KCNJ6: variants seen among roughly 807,000 people sequenced by gnomAD.
KCNJ6 encodes G protein-activated inward rectifier potassium channel 2.
KCNJ6 carries 9 observed loss-of-function variants against 34.2 expected under a neutral mutation model. That is an observed-to-expected ratio of 0.26 (90% CI 0.16 to 0.46). The LOEUF is 0.46. Among genes scored for constraint, KCNJ6 ranks in the 20% least tolerant of loss-of-function variants. The pLI is 1.00. For missense variants in KCNJ6, 236 were observed against 531.3 expected (o/e 0.44, Z 5.46); for synonymous variants, 196 against 207.1 (o/e 0.95, Z 0.46).
chr21:37,660,280 C>T (rs1383814478), intron 3 of KCNJ6, among the ~76,000 whole-genome samples: 1 of 152,226 alleles, frequency 6.6e-6, no homozygotes, highest in Non-Finnish European at 1.5e-5. Context: ...GGATTCCTGC[C>T]ACAGGGTGCA....
At chr21:37,787,027 T>C (rs2055195876) in intron 2 of KCNJ6, among the ~76,000 whole-genome samples, 1 of 152,204 alleles carries the variant, frequency 6.6e-6, no homozygotes. Flanking sequence ...AATAAACACA[T>C]TCCCCAAATC....
At chr21:37,873,429 G>A (rs1052201875) in intron 1 of KCNJ6, among the ~76,000 whole-genome samples, 1 of 152,152 alleles carries the variant, frequency 6.6e-6, no homozygotes, top group Non-Finnish European at 1.5e-5. Context: ...GGTGGCCAAT[G>A]GGGATAACTG....
chr21:37,789,777 A>G (rs1044881131), intron 2 of KCNJ6, among the ~76,000 whole-genome samples: 3 of 152,188 alleles, frequency 2.0e-5, no homozygotes, highest in African/African-American at 7.2e-5. Context: ...CAGTGTCTCT[A>G]TTACTTGCAG....
At chr21:37,895,202 CAGG>C (rs1450389714) in intron 1 of KCNJ6, among the ~76,000 whole-genome samples, 2 of 152,170 alleles carry the variant, frequency 1.3e-5, no homozygotes, top group African/African-American at 4.8e-5. Context: ...TAGAGATGAG[CAGG>C]AGAAGGGCTT....
At chr21:37,878,577 A>C (rs141048590) in intron 1 of KCNJ6, among the ~76,000 whole-genome samples, 109 of 152,354 alleles carry the variant, frequency 7.2e-4, no homozygotes, top group Middle Eastern at 3.4e-3. Context: ...GACTGGCATG[A>C]AAGATGGAAG....
At chr21:37,664,137 A>G (rs1016237590) in intron 3 of KCNJ6, among the ~76,000 whole-genome samples, 1 of 152,232 alleles carries the variant, frequency 6.6e-6, no homozygotes, top group Non-Finnish European at 1.5e-5. Flanking sequence ...ATCCAACATC[A>G]TAGGAATTAG....
At chr21:37,852,914 G>A (rs536231300) in intron 1 of KCNJ6, among the ~76,000 whole-genome samples, 6 of 152,084 alleles carry the variant, frequency 3.9e-5, no homozygotes, top group African/African-American at 1.4e-4. Flanking sequence ...TGAACAGCAG[G>A]GTGGGTAAGA....
At chr21:37,754,891 G>A (rs1389537550) in intron 2 of KCNJ6, among the ~76,000 whole-genome samples, 1 of 152,210 alleles carries the variant, frequency 6.6e-6, no homozygotes, top group Non-Finnish European at 1.5e-5. Context: ...GAGCTGAGGA[G>A]TAAGCAAGGC....
intron 2 of KCNJ6, among the ~76,000 whole-genome samples, chr21:37,762,416 A>T (rs1174365871): frequency 6.6e-6 from 1 of 152,170 alleles, no homozygotes; most frequent in Non-Finnish European, 1.5e-5. Flanking sequence ...AGAAATTTTT[A>T]AAAACCACGT....
rs1400039113 is a variant in KCNJ6 at position 37,719,519 on chromosome 21, T to TGTTA, written c.26-4392_26-4389dup. On this transcript the variant is annotated intron_variant, in intron 2 of 3. Coordinates refer to ENST00000609713, the MANE Select transcript of KCNJ6 (RefSeq NM_002240.5). ...GATAATGTAGAGGGGGTACACCCTCTGTTAACCATGAAATGCTGCACAAAT... is the reference window on the plus strand; with the variant it reads ...GATAATGTAGAGGGGGTACACCCTCTGTTAGTTAACCATGAAATGCTGCACAAAT... 2.0e-5 allele frequency: 3 copies of TGTTA among 152,310 alleles called. No individual in the cohort carries two copies. In the East Asian group the frequency reaches 5.8e-4, roughly 29 times the overall value. The allele number at this position is 152,310 out of a possible 1,614,324, so 9.4% of individuals were successfully genotyped here.
chr21:37,729,677 G>A (rs528229825), intron 2 of KCNJ6, among the ~76,000 whole-genome samples: 2 of 152,326 alleles, frequency 1.3e-5, no homozygotes, highest in South Asian at 4.1e-4. Context: ...CAGTTAGTTA[G>A]AACCATTAAG....
intron 1 of KCNJ6, among the ~76,000 whole-genome samples, chr21:37,887,234 G>A (rs1408502354): frequency 6.6e-6 from 1 of 152,136 alleles, no homozygotes; most frequent in East Asian, 1.9e-4. Flanking sequence ...CGGTAGGGCT[G>A]CTCTGTTTTA....
At chr21:37,817,895 G>A (rs2055354169) in intron 2 of KCNJ6, among the ~76,000 whole-genome samples, 1 of 152,112 alleles carries the variant, frequency 6.6e-6, no homozygotes, top group Non-Finnish European at 1.5e-5. Context: ...CATTATAATT[G>A]TCTGAATATC....
At position 37,617,300 on chromosome 21, in the gene KCNJ6, C is replaced by T. The variant is rs2054276123; in HGVS notation, c.*7859G>A. ...GTGGCATGATCTCAGCTTACTGCAACCTCCCCCTCCCAAGTTTAAGCTATT... is the reference window on the plus strand; with the variant it reads ...GTGGCATGATCTCAGCTTACTGCAATCTCCCCCTCCCAAGTTTAAGCTATT... On this transcript the variant is annotated 3_prime_UTR_variant, in exon 4 of 4. Transcript: ENST00000609713. The T allele has an allele frequency of 6.6e-6, 1 of 151,698 alleles. No individual in the cohort carries two copies. Among genetic ancestry groups the T allele is most frequent in the Admixed American group, 6.6e-5 (1 of 15,200 alleles). The allele number at this position is 151,698 out of a possible 1,614,324, so 9.4% of individuals were successfully genotyped here.
chr21:37,666,557 C>A (rs1019125844), intron 3 of KCNJ6, among the ~76,000 whole-genome samples: 10 of 152,292 alleles, frequency 6.6e-5, no homozygotes, highest in African/African-American at 2.4e-4. Flanking sequence ...CCGGCCGCCA[C>A]CCCGTCTGGG....
At position 37,872,058 on chromosome 21, in the gene KCNJ6, C is replaced by A. The variant is rs2055655105; in HGVS notation, c.-27-31349G>T. 2.0e-5 allele frequency among the ~76,000 whole-genome samples: 3 copies of A among 151,980 alleles called. No homozygotes were observed. The South Asian group carries it at 6.2e-4, about 32-fold the overall frequency. On this transcript the variant is annotated intron_variant, in intron 1 of 3. Coordinates refer to ENST00000609713, the MANE Select transcript of KCNJ6 (RefSeq NM_002240.5). Reference sequence around the variant, plus strand: ...TTGTGGGAGAAGGTTGGTTATTAAACAAACAAATGTAAGCACACAAATCAA... The same window carrying A: ...TTGTGGGAGAAGGTTGGTTATTAAAAAAACAAATGTAAGCACACAAATCAA...
At chr21:37,848,371 A>T (rs2055520716) in intron 1 of KCNJ6, among the ~76,000 whole-genome samples, 1 of 152,216 alleles carries the variant, frequency 6.6e-6, no homozygotes, top group Non-Finnish European at 1.5e-5. Flanking sequence ...AATAATCTGA[A>T]ATTTTCACAA....
chr21:37,765,400 T>A (rs2055085845), intron 2 of KCNJ6, among the ~76,000 whole-genome samples: 1 of 152,174 alleles, frequency 6.6e-6, no homozygotes, highest in Non-Finnish European at 1.5e-5. Flanking sequence ...CAGGGACATT[T>A]GGCAGTATCT....
At chr21:37,901,880 T>G (rs2055818475) in intron 1 of KCNJ6, among the ~76,000 whole-genome samples, 1 of 152,244 alleles carries the variant, frequency 6.6e-6, no homozygotes. Context: ...ATCATTAAAT[T>G]GTTTATTACA....
Sources: gnomAD v4.1 joint callset for allele counts (sites outside exome capture counted in the v4.1 genomes callset) on GRCh38, gnomAD v4.1.1 for gene constraint, MANE v1.5 for transcripts, NCBI Gene and HGNC (gene_info 2026-07-23, HGNC 2026-07-21) for gene names.